Variants in SLIT2 observed in about 807,000 individuals in gnomAD.
SLIT2 encodes the protein slit homolog 2 protein.
Under a neutral mutation model 185.7 loss-of-function variants are expected in SLIT2, and 41 were observed. That is an observed-to-expected ratio of 0.22 (90% CI 0.17 to 0.29). The LOEUF is 0.29. SLIT2 is among the 10% of genes least tolerant of loss of function. The pLI, the probability that SLIT2 is intolerant of heterozygous loss-of-function variation, is 1.00. For missense variants in SLIT2, 1,571 were observed against 1,909.0 expected (o/e 0.82, Z 3.30); for synonymous variants, 693 against 680.2 (o/e 1.02, Z -0.29).
At chr4:20,506,993 C>A (rs1719267446) in intron 9 of SLIT2, among the ~76,000 whole-genome samples, 1 of 151,874 alleles carries the variant, frequency 6.6e-6, no homozygotes, top group South Asian at 2.1e-4. Flanking sequence ...TAAAAGTAAA[C>A]AAGTCCATGG....
intron 4 of SLIT2, among the ~76,000 whole-genome samples, chr4:20,440,943 T>C (rs1729694481): frequency 1.3e-5 from 2 of 152,020 alleles, no homozygotes; most frequent in Admixed American, 1.3e-4. Context: ...ACATTCTGGG[T>C]ACAAGATTTT....
chr4:20,454,079 T>C (rs982439225), intron 4 of SLIT2, among the ~76,000 whole-genome samples: 3 of 152,196 alleles, frequency 2.0e-5, no homozygotes, highest in African/African-American at 7.2e-5. Flanking sequence ...CTTTAGTTTT[T>C]TAGAAATAGC....
chr4:20,285,996 A>G (rs940461710), intron 4 of SLIT2, among the ~76,000 whole-genome samples: 2 of 152,226 alleles, frequency 1.3e-5, no homozygotes, highest in African/African-American at 4.8e-5. Flanking sequence ...ATTTATATTA[A>G]TAGTGCTTCA....
intron 4 of SLIT2, among the ~76,000 whole-genome samples, chr4:20,431,016 A>C (rs1244837629): frequency 6.6e-6 from 1 of 152,242 alleles, no homozygotes; most frequent in Non-Finnish European, 1.5e-5. Flanking sequence ...GCGACAGATC[A>C]AAATAGAAGC....
intron 4 of SLIT2, among the ~76,000 whole-genome samples, chr4:20,269,174 T>C (rs962562551): frequency 2.0e-5 from 3 of 151,826 alleles, no homozygotes; most frequent in African/African-American, 7.2e-5. Context: ...AAATGTTTGA[T>C]TAAGTTCTGA....
chr4:20,401,191 G>T lies in SLIT2; in HGVS notation c.396-66561G>T, dbSNP rs147434941. On this transcript the variant is annotated intron_variant, in intron 4 of 36. Transcript: ENST00000504154. ...ATAAAGTCTAAGTTGTTGGTAAAAG[G>T]TGAATGATTTTCCCATCTCATCATG... Among the ~76,000 whole-genome samples the T allele has an allele frequency of 2.6e-5, 4 of 151,964 alleles. No individual in the cohort carries two copies. In the East Asian group the frequency reaches 5.8e-4, roughly 22 times the overall value.
intron 4 of SLIT2, among the ~76,000 whole-genome samples, chr4:20,379,184 A>G (rs1013743353): frequency 2.0e-5 from 3 of 152,168 alleles, no homozygotes; most frequent in Non-Finnish European, 4.4e-5. Flanking sequence ...ATGTGTCAAC[A>G]TAAGACTCAT....
chr4:20,326,144 C>T (rs1436062075), intron 4 of SLIT2, among the ~76,000 whole-genome samples: 2 of 152,058 alleles, frequency 1.3e-5, no homozygotes, highest in Non-Finnish European at 2.9e-5. Context: ...ACTGCATATT[C>T]TGACATTTAC....
intron 34 of SLIT2, among the ~76,000 whole-genome samples, chr4:20,612,777 G>T (rs1729325018): frequency 6.6e-6 from 1 of 151,956 alleles, no homozygotes; most frequent in South Asian, 2.1e-4. Context: ...AATTAGCCGG[G>T]CATGGTGGCG....
chr4:20,461,842 G>A (rs1218615516), intron 4 of SLIT2, among the ~76,000 whole-genome samples: 1 of 152,148 alleles, frequency 6.6e-6, no homozygotes, highest in Non-Finnish European at 1.5e-5. Flanking sequence ...TACAATTCTG[G>A]TACCAGTGTG....
At chr4:20,526,809 C>T (rs1483846234) in intron 15 of SLIT2, among the ~76,000 whole-genome samples, 4 of 152,110 alleles carry the variant, frequency 2.6e-5, no homozygotes, top group Non-Finnish European at 5.9e-5. Context: ...GCTTCCTCCC[C>T]TTTTTTCCAA....
In SLIT2 at chr4:20,528,791, T is replaced by G. The variant is rs1721526050; in HGVS notation, c.1463-158T>G. 6.6e-6 allele frequency among the ~76,000 whole-genome samples: 1 copy of G among 152,186 alleles called. No individual in the cohort carries two copies. Among genetic ancestry groups the G allele is most frequent in the South Asian group, 2.1e-4 (1 of 4,824 alleles). Reference sequence around the variant, plus strand: ...TCTTTTTTCCAGAAAATTCCAAGCCTTTCTTTTAACCTTTCTCCTGACATC... The same window carrying G: ...TCTTTTTTCCAGAAAATTCCAAGCCGTTCTTTTAACCTTTCTCCTGACATC... On this transcript the variant is annotated intron_variant, in intron 15 of 36. Transcript: ENST00000504154. The surrounding 1 kb of genome is among the most constrained non-coding windows in gnomAD (Gnocchi z 4.2).
At chr4:20,308,118 C>T (rs1237728323) in intron 4 of SLIT2, among the ~76,000 whole-genome samples, 4 of 152,118 alleles carry the variant, frequency 2.6e-5, no homozygotes, top group Non-Finnish European at 2.9e-5. Context: ...TGGCAAGAGA[C>T]ACGCTTCATG....
At chr4:20,594,241 A>G (rs1219192919) in intron 30 of SLIT2, among the ~76,000 whole-genome samples, 4 of 147,886 alleles carry the variant, frequency 2.7e-5, no homozygotes, top group Non-Finnish European at 5.9e-5. Flanking sequence ...ACATGTGTAT[A>G]TACATATACA....
intron 4 of SLIT2, among the ~76,000 whole-genome samples, chr4:20,272,357 G>A (rs777298589): frequency 2.0e-5 from 3 of 151,874 alleles, no homozygotes; most frequent in Admixed American, 1.3e-4. Flanking sequence ...AATCAAGGTT[G>A]CATTTTTATT....
At chr4:20,266,767 G>A (rs1185633470) in intron 3 of SLIT2, among the ~76,000 whole-genome samples, 2 of 151,970 alleles carry the variant, frequency 1.3e-5, no homozygotes, top group African/African-American at 4.8e-5. Context: ...ATTACACAGT[G>A]TAAGGGACTC....
At chr4:20,369,843 T>C (rs1452565704) in intron 4 of SLIT2, among the ~76,000 whole-genome samples, 2 of 152,148 alleles carry the variant, frequency 1.3e-5, no homozygotes, top group Non-Finnish European at 2.9e-5. Flanking sequence ...CCCTCTTGCC[T>C]GAAGGTCTTT....
At chr4:20,410,283 C>T (rs1208110819) in intron 4 of SLIT2, among the ~76,000 whole-genome samples, 1 of 108,624 alleles carries the variant, frequency 9.2e-6, no homozygotes, top group African/African-American at 3.6e-5. Context: ...GAGTCTTGCT[C>T]TGTCACCCAG....
At chr4:20,482,448 A>G (rs1316162388) in intron 6 of SLIT2, among the ~76,000 whole-genome samples, 1 of 152,004 alleles carries the variant, frequency 6.6e-6, no homozygotes, top group African/African-American at 2.4e-5. Flanking sequence ...TTTACCCACA[A>G]ATACAATAAC....
Sources: gnomAD v4.1 joint callset for allele counts (sites outside exome capture counted in the v4.1 genomes callset) on GRCh38, gnomAD v4.1.1 for gene constraint, Gnocchi (gnomAD v3.1) non-coding constraint, MANE v1.5 for transcripts, NCBI Gene and HGNC (gene_info 2026-07-23, HGNC 2026-07-21) for gene names.